SNTG2: variants seen among roughly 807,000 people sequenced by gnomAD.
SNTG2 encodes syntrophin gamma 2.
In SNTG2, 74 loss-of-function variants were observed where a neutral mutation model predicts 70.9. That is an observed-to-expected ratio of 1.04 (90% CI 0.86 to 1.27). The LOEUF (loss-of-function observed/expected upper bound fraction) is 1.27. SNTG2 is among the 50% of genes most tolerant of loss of function. The probability of loss-of-function intolerance (pLI) is 0.00; values close to 1 mark genes in which losing one functional copy is unlikely to be tolerated. For missense variants in SNTG2, 717 were observed against 690.7 expected, an observed-to-expected ratio of 1.04 and a Z score of -0.43; for synonymous variants, 278 against 273.8, an observed-to-expected ratio of 1.02 and a Z score of -0.15.
intron 15 of SNTG2, among the ~76,000 whole-genome samples, chr2:1,313,080 G>C (rs1295866747): frequency 6.6e-6 from 1 of 152,160 alleles, no homozygotes; most frequent in East Asian, 1.9e-4. Flanking sequence ...CATGATCGGT[G>C]TGTTAACAAT....
chr2:1,041,203 C>G (rs1661416654), intron 1 of SNTG2, among the ~76,000 whole-genome samples: 1 of 152,104 alleles, frequency 6.6e-6, no homozygotes, highest in African/African-American at 2.4e-5. Context: ...CAGTGCGGTG[C>G]TTAGTGTAAA....
chr2:1,135,235 T>C (rs1668303242), intron 4 of SNTG2, among the ~76,000 whole-genome samples: 1 of 152,206 alleles, frequency 6.6e-6, no homozygotes, highest in Admixed American at 6.5e-5. Context: ...TTATGCATTT[T>C]GGTGCCTGGC....
chr2:1,096,739 T>C, intron 2 of SNTG2, among the ~76,000 whole-genome samples: 1 of 152,242 alleles, frequency 6.6e-6, no homozygotes, highest in East Asian at 1.9e-4. Context: ...ACACTTGGGT[T>C]GTATCCATAT....
chr2:1,089,345 A>G lies in SNTG2; in HGVS notation c.210+5690A>G, dbSNP rs551518551. On this transcript the variant is annotated intron_variant, in intron 2 of 16. Coordinates refer to ENST00000308624, the MANE Select transcript of SNTG2 (RefSeq NM_018968.4). ...AATAATGAACAGTTTGGCCGTATTCATTATAAAAGTTTACACCAAGGTTTA... is the reference window on the plus strand; with the variant it reads ...AATAATGAACAGTTTGGCCGTATTCGTTATAAAAGTTTACACCAAGGTTTA... Among the ~76,000 whole-genome samples the G allele has an allele frequency of 5.9e-5, 9 of 152,374 alleles. No homozygotes were observed. The South Asian group carries it at 1.7e-3, about 28-fold the overall frequency.
chr2:1,257,180 G>A, intron 12 of SNTG2, among the ~76,000 whole-genome samples: 1 of 152,058 alleles, frequency 6.6e-6, no homozygotes, highest in South Asian at 2.1e-4. Flanking sequence ...AGCTCTCAGG[G>A]TGGCAGCATT....
intron 6 of SNTG2, among the ~76,000 whole-genome samples, chr2:1,145,618 C>T (rs1435386971): frequency 6.6e-6 from 1 of 152,178 alleles, no homozygotes; most frequent in Admixed American, 6.5e-5. Context: ...TGAGTTCTAC[C>T]AAACATTACA....
At chr2:1,299,721 GA>G (rs1680367605) in intron 14 of SNTG2, among the ~76,000 whole-genome samples, 1 of 152,210 alleles carries the variant, frequency 6.6e-6, no homozygotes, top group Non-Finnish European at 1.5e-5. Context: ...TGTGGTGCCG[GA>G]AGCAATAAAT....
chr2:1,138,142 A>C (rs924293805), intron 6 of SNTG2, among the ~76,000 whole-genome samples: 2 of 152,208 alleles, frequency 1.3e-5, no homozygotes, highest in African/African-American at 4.8e-5. Context: ...CGTGCTGAGC[A>C]CAGGAGGTGT....
intron 13 of SNTG2, chr2:1,263,031 A>T (rs1024453934): frequency 2.0e-5 from 3 of 152,236 alleles, no homozygotes; most frequent in Non-Finnish European, 4.4e-5. Flanking sequence ...TTCCTTTTGT[A>T]GAACTTACAA....
intron 8 of SNTG2, among the ~76,000 whole-genome samples, chr2:1,179,254 GCT>G: frequency 6.6e-6 from 1 of 152,108 alleles, no homozygotes; most frequent in East Asian, 1.9e-4. Context: ...CAAAAAACCA[GCT>G]CCTGGATTAA....
intron 1 of SNTG2, among the ~76,000 whole-genome samples, chr2:995,292 A>G (rs926063045): frequency 5.9e-5 from 9 of 152,094 alleles, no homozygotes; most frequent in Non-Finnish European, 1.0e-4. Flanking sequence ...GATTTTATCT[A>G]ATGCTTTTTC....
At chr2:1,281,009 C>T (rs2148205954) in intron 14 of SNTG2, among the ~76,000 whole-genome samples, 1 of 152,320 alleles carries the variant, frequency 6.6e-6, no homozygotes. Context: ...AACATCGGTG[C>T]CCACTTTACT....
intron 1 of SNTG2, among the ~76,000 whole-genome samples, chr2:959,919 C>T (rs1320018906): frequency 6.6e-6 from 1 of 151,986 alleles, no homozygotes; most frequent in Non-Finnish European, 1.5e-5. Flanking sequence ...CTGGTCTATA[C>T]CTATCTAGCA....
At chr2:1,294,731 A>C (rs1335519068) in intron 14 of SNTG2, among the ~76,000 whole-genome samples, 1 of 152,220 alleles carries the variant, frequency 6.6e-6, no homozygotes, top group East Asian at 1.9e-4. Context: ...TCAGATATTA[A>C]CATATGATGA....
intron 1 of SNTG2, among the ~76,000 whole-genome samples, chr2:983,616 T>C (rs917288251): frequency 6.6e-6 from 1 of 152,232 alleles, no homozygotes; most frequent in African/African-American, 2.4e-5. Flanking sequence ...CTTCTCCTGT[T>C]CTGCACTCAG....
At chr2:1,251,051 T>C (rs1007670589) in intron 12 of SNTG2, among the ~76,000 whole-genome samples, 2 of 152,222 alleles carry the variant, frequency 1.3e-5, no homozygotes, top group African/African-American at 2.4e-5. Flanking sequence ...TTTCCATCAT[T>C]GTGGTTCTGA....
intron 10 of SNTG2, among the ~76,000 whole-genome samples, chr2:1,239,021 G>C (rs556917196): frequency 6.6e-6 from 1 of 152,358 alleles, no homozygotes; most frequent in African/African-American, 2.4e-5. Context: ...TGCAAGCAGA[G>C]AAGGAAGTAC....
Position 1,063,987 on chromosome 2 carries a change from A to G in SNTG2, c.73-19531A>G, listed in dbSNP as rs368422828. ...AAAACAAAATCATTTTTGAAAGCAT[A>G]TAATAATCAAACTGCTGAAAGTGAG... On this transcript the variant is annotated intron_variant, in intron 1 of 16. Coordinates refer to ENST00000308624, the MANE Select transcript of SNTG2 (RefSeq NM_018968.4). Among the ~76,000 whole-genome samples, 14 of 152,348 alleles carry G rather than the reference A, an allele frequency of 9.2e-5. No individual in the cohort carries two copies. The East Asian group carries it at 1.7e-3, about 19-fold the overall frequency.
chr2:1,164,461 G>A (rs1359360898), intron 6 of SNTG2, among the ~76,000 whole-genome samples: 1 of 116,424 alleles, frequency 8.6e-6, no homozygotes, highest in East Asian at 2.7e-4. Context: ...CAGTCTCTGT[G>A]TAGACGAGAG....
Sources: allele counts gnomAD v4.1 joint callset (sites outside exome capture counted in the v4.1 genomes callset), GRCh38; gene constraint gnomAD v4.1.1; transcripts MANE v1.5; gene names NCBI Gene and HGNC (gene_info 2026-07-23, HGNC 2026-07-21).